Variants in DRD3 observed in about 807,000 individuals in gnomAD.
The protein encoded by DRD3 is dopamine receptor D3, also known as D(3) dopamine receptor.
DRD3 carries 19 observed loss-of-function variants against 36.3 expected under a neutral mutation model. The ratio of observed to expected loss-of-function variants is 0.52; its 90% CI spans 0.36 to 0.77. The LOEUF (loss-of-function observed/expected upper bound fraction) is 0.77. DRD3 is among the 30% of genes least tolerant of loss of function. DRD3 has a pLI of 0.00. For synonymous variants in DRD3, 195 were observed against 203.7 expected, an observed-to-expected ratio of 0.96 and a Z score of 0.36; for missense variants, 465 against 505.3, an observed-to-expected ratio of 0.92 and a Z score of 0.77.
chr3:114,153,061 A>T (rs867482416), intron 3 of DRD3, among the ~76,000 whole-genome samples: 1 of 152,216 alleles, frequency 6.6e-6, no homozygotes, highest in Non-Finnish European at 1.5e-5. Context: ...TGACCCCAGC[A>T]CTGGCAGTGT....
At chr3:114,192,366 GTT>G (rs1225511269) in intron 1 of DRD3, among the ~76,000 whole-genome samples, 1 of 152,186 alleles carries the variant, frequency 6.6e-6, no homozygotes, top group Non-Finnish European at 1.5e-5. Context: ...TAAGGGGTTG[GTT>G]TCCTGGGTAG....
intron 4 of DRD3, among the ~76,000 whole-genome samples, chr3:114,143,772 C>T (rs1484997454): frequency 6.6e-6 from 1 of 152,188 alleles, no homozygotes; most frequent in Non-Finnish European, 1.5e-5. Context: ...CCATTTCCTT[C>T]TTTCAAAGGA....
chr3:114,175,550 TG>T (rs2107890748), intron 1 of DRD3, among the ~76,000 whole-genome samples: 1 of 152,344 alleles, frequency 6.6e-6, no homozygotes, highest in East Asian at 1.9e-4. Context: ...CACTCATTTT[TG>T]CTTTCATCTC....
In DRD3 at chr3:114,159,795, T is replaced by C; in HGVS notation, c.343A>G (p.Thr115Ala). 5 of 1,614,098 alleles carry C rather than the reference T, an allele frequency of 3.1e-6. No individual in the cohort carries two copies. The highest frequency in any genetic ancestry group is 4.2e-6 in the Non-Finnish European group (5 of 1,179,992). Residue 115 changes from threonine (T) to alanine (A), a missense_variant, in exon 3 of 7, where the codon ACA (threonine) becomes GCA (alanine). Physicochemically the swap from Thr to Ala is moderately conservative, Grantham distance 58. Coordinates refer to ENST00000383673, the MANE Select transcript of DRD3 (RefSeq NM_000796.6). ...GCACAGAGATTAAGGATGCTGGCTG[T>C]ACACATCATGACATCCAGGGTGACA... ...VFVTLDVMMC[T>A]ASILNLCAIS...
intron 2 of DRD3, among the ~76,000 whole-genome samples, chr3:114,168,662 T>C (rs771038700): frequency 6.6e-6 from 1 of 152,162 alleles, no homozygotes; most frequent in Non-Finnish European, 1.5e-5. Flanking sequence ...CTAAGCCAGC[T>C]TGCCAAGGAT....
In DRD3 at chr3:114,135,414, G is replaced by A. The variant is rs1303243451; in HGVS notation, c.724-4014C>T. On this transcript the variant is annotated intron_variant, in intron 5 of 6. Transcript: ENST00000383673. ...GACGGGGTTTCACCTTGTTAGCCAG[G>A]ATGGTCTCGATCTCTTGACCTCATG... Among the ~76,000 whole-genome samples, 3 of 1,074 alleles carry A rather than the reference G, an allele frequency of 2.8e-3. 1 individual carries two copies. The highest frequency in any genetic ancestry group is 3.0e-3 in the African/African-American group (3 of 992). The allele number at this position is 1,074 out of a possible 152,430, so 0.7% of individuals were successfully genotyped here. A position where few individuals can be genotyped will look rare whatever the true frequency, so the allele number is the denominator to read the frequency against.
chr3:114,189,991 G>A (rs1055720936), intron 1 of DRD3, among the ~76,000 whole-genome samples: 3 of 152,182 alleles, frequency 2.0e-5, no homozygotes, highest in Non-Finnish European at 2.9e-5. Flanking sequence ...ATTGATGGGA[G>A]TGGGCTTGTG....
At chr3:114,154,445 G>A (rs930814545) in intron 3 of DRD3, among the ~76,000 whole-genome samples, 7 of 152,078 alleles carry the variant, frequency 4.6e-5, no homozygotes, top group Non-Finnish European at 7.4e-5. Flanking sequence ...CTAACTCCCC[G>A]CCTGGGTTTA....
intron 1 of DRD3, among the ~76,000 whole-genome samples, chr3:114,172,822 G>A (rs170482): frequency 1 from 152,305 of 152,312 alleles, 76,149 homozygotes; most frequent in Non-Finnish European, 1. Context: ...GCAGAAATTT[G>A]TTGTCTCACA....
At chr3:114,191,674 T>C (rs1187401064) in intron 1 of DRD3, among the ~76,000 whole-genome samples, 1 of 152,130 alleles carries the variant, frequency 6.6e-6, no homozygotes, top group African/African-American at 2.4e-5. Flanking sequence ...AGAAGCAAGT[T>C]GGCGGCTCCC....
intron 1 of DRD3, among the ~76,000 whole-genome samples, chr3:114,194,483 A>T (rs1344494687): frequency 1.3e-5 from 2 of 152,066 alleles, no homozygotes; most frequent in Non-Finnish European, 2.9e-5. Context: ...GGGTTTTACC[A>T]TGTTGGCCAG....
At chr3:114,153,640 A>T (rs556413313) in intron 3 of DRD3, among the ~76,000 whole-genome samples, 3 of 152,334 alleles carry the variant, frequency 2.0e-5, no homozygotes, top group Admixed American at 6.5e-5. Context: ...TAAACTGTAG[A>T]GCCTGGATTT....
chr3:114,166,628 T>C (rs1028471168), intron 2 of DRD3, among the ~76,000 whole-genome samples: 1 of 152,238 alleles, frequency 6.6e-6, no homozygotes, highest in Non-Finnish European at 1.5e-5. Flanking sequence ...CCGTTCTTTG[T>C]AAATTATACA....
In DRD3 at chr3:114,190,900, A is replaced by G. The variant is rs149717876; in HGVS notation, c.-156+8373T>C. The stretch of plus-strand genomic sequence containing the variant: ...GTGTGTATGGAAAAGGAAAAGGCAG[A>G]TCATCTGAGTAGAAAAGGAAGACTC... On this transcript the variant is annotated intron_variant, in intron 1 of 7. Transcript: ENST00000460779. 1.1e-4 allele frequency among the ~76,000 whole-genome samples: 17 copies of G among 152,232 alleles called. No homozygotes were observed. The East Asian group carries it at 2.3e-3, about 21-fold the overall frequency.
At chr3:114,136,599 T>C (rs935754497) in intron 5 of DRD3, among the ~76,000 whole-genome samples, 1 of 152,244 alleles carries the variant, frequency 6.6e-6, no homozygotes, top group Non-Finnish European at 1.5e-5. Flanking sequence ...TTGAGCTGCA[T>C]AGCTATTATC....
intron 1 of DRD3, among the ~76,000 whole-genome samples, chr3:114,192,261 A>C (rs2078014329): frequency 6.6e-6 from 1 of 152,090 alleles, no homozygotes; most frequent in South Asian, 2.1e-4. Context: ...TATGAAAATT[A>C]TTGTTTTGCT....
At chr3:114,142,776 G>T (rs545310124) in intron 4 of DRD3, among the ~76,000 whole-genome samples, 18 of 152,206 alleles carry the variant, frequency 1.2e-4, no homozygotes, top group Admixed American at 1.1e-3. Flanking sequence ...GCTATTTCAG[G>T]GTCCCTAGTC....
intron 1 of DRD3, chr3:114,175,835 G>A (rs2077892897): frequency 6.6e-6 from 1 of 152,150 alleles, no homozygotes; most frequent in African/African-American, 2.4e-5. Flanking sequence ...GTTAAAAGTG[G>A]ATAGGAGGTA....
intron 3 of DRD3, among the ~76,000 whole-genome samples, chr3:114,153,166 G>GT (rs1041433787): frequency 3.9e-5 from 6 of 152,094 alleles, no homozygotes. Flanking sequence ...CCAGTGGTTT[G>GT]TTTTTTCTAA....
Sources: gnomAD v4.1 joint callset for allele counts (sites outside exome capture counted in the v4.1 genomes callset) on GRCh38, gnomAD v4.1.1 for gene constraint, MANE v1.5 for transcripts, NCBI Gene and HGNC (gene_info 2026-07-23, HGNC 2026-07-21) for gene names.